The following STIM2 variants were observed in gnomAD, a reference collection of about 807,000 sequenced individuals.
The protein encoded by STIM2 is stromal interaction molecule 2.
A neutral mutation model predicts 85.8 loss-of-function variants in STIM2; 31 were observed. That is an observed-to-expected ratio of 0.36 (90% confidence interval 0.27 to 0.49). The LOEUF is 0.49. Ranked by LOEUF, STIM2 falls within the 20% of genes least tolerant of loss-of-function variation. The pLI is 0.98. For missense variants in STIM2, 841 were observed against 927.6 expected, an observed-to-expected ratio of 0.91 and a Z score of 1.21; for synonymous variants, 356 against 331.1, an observed-to-expected ratio of 1.08 and a Z score of -0.82.
chr4:26,999,706 A>G (rs1267630925), intron 5 of STIM2, among the ~76,000 whole-genome samples: 2 of 152,212 alleles, frequency 1.3e-5, no homozygotes, highest in African/African-American at 4.8e-5. Context: ...TAGTCTAACC[A>G]TCTTGATGGC....
chr4:27,004,682 C>T (rs1421707677), intron 7 of STIM2, among the ~76,000 whole-genome samples: 2 of 152,136 alleles, frequency 1.3e-5, no homozygotes, highest in African/African-American at 2.4e-5. Context: ...AGACCATGCA[C>T]ACCTCAGTAG....
intron 1 of STIM2, among the ~76,000 whole-genome samples, chr4:26,870,325 T>A (rs1331215469): frequency 6.6e-6 from 1 of 151,542 alleles, no homozygotes; most frequent in Non-Finnish European, 1.5e-5. Context: ...AAGGATGTGA[T>A]GTGATGGATT....
chr4:26,978,935 A>G (rs1256336003), intron 3 of STIM2, among the ~76,000 whole-genome samples: 1 of 152,174 alleles, frequency 6.6e-6, no homozygotes, highest in Admixed American at 6.5e-5. Flanking sequence ...GAACATCTCT[A>G]AGTTCCTGAA....
chr4:26,972,303 G>A (rs148397145), intron 3 of STIM2, among the ~76,000 whole-genome samples: 4,882 of 152,124 alleles, frequency 0.032, 119 homozygotes, highest in South Asian at 0.07. Context: ...GAGAGAGGGC[G>A]TCCTTGTCTT....
intron 1 of STIM2, among the ~76,000 whole-genome samples, chr4:26,868,812 C>T (rs1292555002): frequency 6.6e-6 from 1 of 152,104 alleles, no homozygotes; most frequent in Admixed American, 6.5e-5. Context: ...CTCTGTTTCC[C>T]TGATGCCTTG....
At chr4:26,946,013 G>A (rs1185913716) in intron 2 of STIM2, among the ~76,000 whole-genome samples, 3 of 152,114 alleles carry the variant, frequency 2.0e-5, no homozygotes, top group Admixed American at 6.6e-5. Flanking sequence ...ATTAATGTTA[G>A]TTGGACATGC....
intron 1 of STIM2, among the ~76,000 whole-genome samples, chr4:26,876,957 T>C (rs1169090246): frequency 6.6e-6 from 1 of 152,200 alleles, no homozygotes; most frequent in Non-Finnish European, 1.5e-5. Context: ...TATTAACCTT[T>C]TGCTTTGACT....
At chr4:26,992,246 C>T (rs748683180) in intron 3 of STIM2, among the ~76,000 whole-genome samples, 4 of 152,084 alleles carry the variant, frequency 2.6e-5, no homozygotes, top group East Asian at 1.9e-4. Context: ...ACATGTTCTA[C>T]GTCATTCAAC....
intron 2 of STIM2, among the ~76,000 whole-genome samples, chr4:26,939,417 C>T (rs2109080583): frequency 6.6e-6 from 1 of 152,288 alleles, no homozygotes; most frequent in East Asian, 1.9e-4. Flanking sequence ...ATATTGATGA[C>T]ATGCTTTGTA....
chr4:26,894,715 G>A (rs1723630828), intron 1 of STIM2, among the ~76,000 whole-genome samples: 1 of 151,972 alleles, frequency 6.6e-6, no homozygotes, highest in Non-Finnish European at 1.5e-5. Context: ...CATCTTATAT[G>A]TCTTAATATT....
intron 1 of STIM2, among the ~76,000 whole-genome samples, chr4:26,873,045 A>C (rs1331623520): frequency 6.6e-6 from 1 of 152,210 alleles, no homozygotes; most frequent in African/African-American, 2.4e-5. Flanking sequence ...TGGCTATAGA[A>C]AAGGGAAGGG....
intron 3 of STIM2, among the ~76,000 whole-genome samples, chr4:26,974,058 G>A (rs1001990367): frequency 1.3e-5 from 2 of 152,000 alleles, no homozygotes; most frequent in African/African-American, 4.8e-5. Context: ...GATTGCAACT[G>A]CTGCTTTTTT....
intron 2 of STIM2, among the ~76,000 whole-genome samples, chr4:26,931,293 A>G (rs1725197000): frequency 6.6e-6 from 1 of 152,124 alleles, no homozygotes; most frequent in Admixed American, 6.5e-5. Flanking sequence ...ATGGGAAGTG[A>G]GTTACTAGGT....
intron 2 of STIM2, among the ~76,000 whole-genome samples, chr4:26,939,103 T>G (rs1560213449): frequency 6.6e-6 from 1 of 152,120 alleles, no homozygotes; most frequent in Admixed American, 6.6e-5. Flanking sequence ...TCCCTGTATT[T>G]TGGTTTGAAT....
At chr4:26,878,924 G>C (rs952251074) in intron 1 of STIM2, among the ~76,000 whole-genome samples, 11 of 152,158 alleles carry the variant, frequency 7.2e-5, no homozygotes, top group Non-Finnish European at 2.9e-5. Flanking sequence ...AACTACCCCT[G>C]TGGGCCAGTC....
intron 1 of STIM2, among the ~76,000 whole-genome samples, chr4:26,895,942 T>G (rs1355147534): frequency 6.6e-6 from 1 of 152,210 alleles, no homozygotes; most frequent in Non-Finnish European, 1.5e-5. Flanking sequence ...ATTTAAGAGT[T>G]TCTGTTGGTG....
At chr4:26,935,983 T>C (rs1220178027) in intron 2 of STIM2, among the ~76,000 whole-genome samples, 1 of 152,160 alleles carries the variant, frequency 6.6e-6, no homozygotes, top group South Asian at 2.1e-4. Context: ...ACCTTAAAAA[T>C]TTCTTTGTAT....
chr4:26,869,836 G>A (rs1560187965), intron 1 of STIM2, among the ~76,000 whole-genome samples: 2 of 150,962 alleles, frequency 1.3e-5, no homozygotes, highest in African/African-American at 4.9e-5. Context: ...GAAAATATAT[G>A]TTAGAGATAT....
intron 2 of STIM2, among the ~76,000 whole-genome samples, chr4:26,935,919 A>G (rs1330936937): frequency 6.6e-6 from 1 of 152,204 alleles, no homozygotes; most frequent in African/African-American, 2.4e-5. Flanking sequence ...ATGCTCTTGC[A>G]AGATACCTTG....
Sources: allele counts gnomAD v4.1 joint callset (sites outside exome capture counted in the v4.1 genomes callset), GRCh38; gene constraint gnomAD v4.1.1; transcripts MANE v1.5; gene names NCBI Gene and HGNC (gene_info 2026-07-23, HGNC 2026-07-21).